Variants in SLC30A10 observed in about 807,000 individuals in gnomAD.
SLC30A10 encodes the protein calcium/manganese antiporter SLC30A10.
SLC30A10 carries 8 observed loss-of-function variants against 21.7 expected under a neutral mutation model. The ratio of observed to expected loss-of-function variants is 0.37; its 90% CI spans 0.22 to 0.67. The LOEUF (loss-of-function observed/expected upper bound fraction) is 0.67. Ranked by LOEUF, SLC30A10 falls within the 30% of genes least tolerant of loss-of-function variation. SLC30A10 has a pLI of 0.58. For missense variants in SLC30A10, 521 were observed against 642.5 expected (o/e 0.81, Z 2.04); for synonymous variants, 272 against 279.4 (o/e 0.97, Z 0.26).
upstream of SLC30A10, among the ~76,000 whole-genome samples, chr1:219,930,341 T>C (rs1659949794): frequency 6.6e-6 from 1 of 152,042 alleles, no homozygotes; most frequent in South Asian, 2.1e-4. Context: ...TAGCCAGGCG[T>C]GTGTGCCTAT....
At chr1:219,928,681 G>T (rs965605101), upstream of SLC30A10, 12 of 444,154 alleles carry the variant, frequency 2.7e-5, no homozygotes, top group Non-Finnish European at 3.9e-5. This position sits in a 1 kb window ranked among gnomAD's most constrained non-coding sequence, Gnocchi z 6.3. Context: ...CGCCTCCCGC[G>T]GCCCTTTTCC....
At chr1:219,927,422 C>G (rs918136562) in intron 1 of SLC30A10, among the ~76,000 whole-genome samples, 1 of 151,804 alleles carries the variant, frequency 6.6e-6, no homozygotes, top group African/African-American at 2.4e-5. Flanking sequence ...AAAATTCAGA[C>G]AGCAAGTAAT....
At chr1:219,947,008 A>T (rs1660194033) in intron 1 of SLC30A10, among the ~76,000 whole-genome samples, 1 of 152,108 alleles carries the variant, frequency 6.6e-6, no homozygotes, top group African/African-American at 2.4e-5. Context: ...CCTCTCCTTC[A>T]TGACCTTAAG....
At chr1:219,945,915 G>A (rs554030690) in intron 1 of SLC30A10, among the ~76,000 whole-genome samples, 5 of 152,314 alleles carry the variant, frequency 3.3e-5, no homozygotes, top group African/African-American at 9.6e-5. Flanking sequence ...AATCCAGACT[G>A]AAACTGCTGA....
intron 1 of SLC30A10, among the ~76,000 whole-genome samples, chr1:219,938,951 G>T (rs79187496): frequency 6.6e-6 from 1 of 152,188 alleles, no homozygotes; most frequent in Admixed American, 6.5e-5. Context: ...TGCTGCTGTC[G>T]TAGCTATGGG....
At chr1:219,926,469 A>G (rs1659827514) in intron 2 of SLC30A10, among the ~76,000 whole-genome samples, 1 of 142,622 alleles carries the variant, frequency 7.0e-6, no homozygotes, top group African/African-American at 2.8e-5. Context: ...ACCTTAGTCC[A>G]GTGCTTCCGA....
chr1:219,910,627 CAGG>C lies in SLC30A10; in HGVS notation c.*4819_*4821del, dbSNP rs1659389109. ...ACTCTAGCAAAATTGCCTGTGAGGA[CAGG>C]AGGAGAATTTTAAGCAACAAAACTC... On this transcript the variant is annotated 3_prime_UTR_variant, in exon 4 of 4. Transcript: ENST00000366926. 6.6e-6 allele frequency among the ~76,000 whole-genome samples: 1 copy of C among 152,158 alleles called. No homozygotes were observed. Among genetic ancestry groups the C allele is most frequent in the African/African-American group, 2.4e-5 (1 of 41,428 alleles).
intron 3 of SLC30A10, 63 bp from the exon 4 acceptor site, chr1:219,916,011 G>T: frequency 6.5e-7 from 1 of 1,548,624 alleles, no homozygotes; most frequent in South Asian, 1.2e-5. Flanking sequence ...TGGAACTACA[G>T]GAGGGATATG....
chr1:219,945,266 C>T (rs1411947372), intron 1 of SLC30A10, among the ~76,000 whole-genome samples: 1 of 152,204 alleles, frequency 6.6e-6, no homozygotes, highest in East Asian at 1.9e-4. Flanking sequence ...CAGAACTACA[C>T]TTGTGACAAA....
intron 1 of SLC30A10, among the ~76,000 whole-genome samples, chr1:219,944,652 C>T (rs968593719): frequency 6.6e-6 from 1 of 152,014 alleles, no homozygotes; most frequent in African/African-American, 2.4e-5. Context: ...TTCAAACTAG[C>T]AAAGTATTGA....
intron 1 of SLC30A10, among the ~76,000 whole-genome samples, chr1:219,944,322 C>T (rs138492529): frequency 0.038 from 5,701 of 151,882 alleles, 122 homozygotes; most frequent in South Asian, 0.086. Context: ...GTGGTGGGCA[C>T]CTTTAGTGCC....
chr1:219,919,714 T>G (rs1659631884), intron 2 of SLC30A10, among the ~76,000 whole-genome samples: 1 of 150,790 alleles, frequency 6.6e-6, no homozygotes, highest in Admixed American at 6.7e-5. Context: ...AGGCAGAGGT[T>G]GCAGTGAGCC....
rs1571801680 is a variant in SLC30A10 at position 219,927,653 on chromosome 1, A to AC, written c.640+147_640+148insG. 1.4e-5 allele frequency: 8 copies of AC among 556,580 alleles called. No homozygotes were observed. In the East Asian group the frequency reaches 2.0e-4, roughly 14 times the overall value. The allele number at this position is 556,580 out of a possible 1,614,324, so 34.5% of individuals were successfully genotyped here. On this transcript the variant is annotated intron_variant, in intron 1 of 3. Coordinates refer to ENST00000366926, the MANE Select transcript of SLC30A10 (RefSeq NM_018713.3). ...ATGGATTTATTAAAAAAAAAAAAAA[A>AC]AAAAAAAAAAAAAAACAACAACAAC...
chr1:219,919,072 A>C (rs1240559589), intron 2 of SLC30A10: 1 of 152,202 alleles, frequency 6.6e-6, no homozygotes, highest in Non-Finnish European at 1.5e-5. Flanking sequence ...CCATTGCATA[A>C]AGAGCCATTT....
Position 219,918,120 on chromosome 1 carries a change from T to G in SLC30A10, c.958+135A>C. On this transcript the variant is annotated intron_variant, in intron 3 of 3. Coordinates refer to ENST00000366926, the MANE Select transcript of SLC30A10 (RefSeq NM_018713.3). The surrounding 1 kb of genome is among the most constrained non-coding windows in gnomAD (Gnocchi z 4.4). The stretch of plus-strand genomic sequence containing the variant: ...TCTTAATAGGCTATAAAACATATGA[T>G]GACATCTCTACCACCTGGTGATTTA... The G allele has an allele frequency of 3.4e-6, 4 of 1,168,886 alleles. No homozygotes were observed. The highest frequency in any genetic ancestry group is 2.4e-5 in the East Asian group (1 of 42,378). 72.4% of individuals were successfully genotyped at this position (1,168,886 alleles called of 1,614,324 possible).
rs374053468 is a variant in SLC30A10, at chr1:219,928,392, G to C, written c.49C>G (p.Leu17Val). Residue 17 changes from leucine (L) to valine (V), a missense_variant, in exon 1 of 4, where the codon CTC (leucine) becomes GTC (valine). Coordinates refer to ENST00000366926, the MANE Select transcript of SLC30A10 (RefSeq NM_018713.3). This position sits in a 1 kb window ranked among gnomAD's most constrained non-coding sequence, Gnocchi z 6.3. ...KTCRLLFMLV[L>V]TVAFFVAELV... ...TCCGCCACGAAGAAGGCGACGGTGA[G>C]CACCAGCATGAAGAGCAGCCGGCAC... 1.9e-6 allele frequency: 3 copies of C among 1,613,292 alleles called. No homozygotes were observed. The highest frequency in any genetic ancestry group is 1.3e-5 in the African/African-American group (1 of 74,904).
At chr1:219,917,228 C>A (rs1475247607) in intron 3 of SLC30A10, among the ~76,000 whole-genome samples, 1 of 152,022 alleles carries the variant, frequency 6.6e-6, no homozygotes, top group African/African-American at 2.4e-5. Context: ...TGGCCTTATG[C>A]AATCCTTCCA....
At position 219,939,396 on chromosome 1, in the gene SLC30A10, G is replaced by A. The variant is rs191983458; in HGVS notation, n.81-12291C>T. On this transcript the variant is annotated intron_variant and non_coding_transcript_variant, in intron 1 of 8. Coordinates refer to the SLC30A10 transcript ENST00000484239. ...TGACTGTCCTATCATTATGTGTTGG[G>A]TGTGTGGAGGGCAGGTCATGGGTTT... Among the ~76,000 whole-genome samples the A allele has an allele frequency of 6.4e-4, 97 of 152,142 alleles. No individual in the cohort carries two copies. In the South Asian group the frequency reaches 7.3e-3, roughly 11 times the overall value.
In SLC30A10 at chr1:219,928,475, G is replaced by A. The variant is rs779143668; in HGVS notation, c.-35C>T. ...AGCCCCGGGCGCCCGGCGCCGCCCA[G>A]GGGAGCGCAGCCCACCCCGCGCGCA... On this transcript the variant is annotated 5_prime_UTR_variant, in exon 1 of 4. Coordinates refer to ENST00000366926, the MANE Select transcript of SLC30A10 (RefSeq NM_018713.3). This position sits in a 1 kb window ranked among gnomAD's most constrained non-coding sequence, Gnocchi z 6.3. 4 of 1,517,542 alleles carry A rather than the reference G, an allele frequency of 2.6e-6. No homozygotes were observed. The South Asian group carries it at 3.8e-5, about 14-fold the overall frequency. 94.0% of individuals were successfully genotyped at this position (1,517,542 alleles called of 1,614,324 possible).
Sources: allele counts gnomAD v4.1 joint callset (sites outside exome capture counted in the v4.1 genomes callset), GRCh38; gene constraint gnomAD v4.1.1; non-coding constraint Gnocchi (gnomAD v3.1); transcripts MANE v1.5; gene names NCBI Gene and HGNC (gene_info 2026-07-23, HGNC 2026-07-21).